Variants in CNBD1 observed in about 807,000 individuals in gnomAD.
CNBD1 encodes the protein cyclic nucleotide-binding domain-containing protein 1.
A neutral mutation model predicts 54.4 loss-of-function variants in CNBD1; 71 were observed. The ratio of observed to expected loss-of-function variants is 1.30; its 90% CI spans 1.08 to 1.59. The LOEUF is 1.59. Ranked by LOEUF, CNBD1 falls within the 40% of genes most tolerant of loss-of-function variation. The pLI is 0.00. For synonymous variants in CNBD1, 182 were observed against 170.7 expected (o/e 1.07, Z -0.51); for missense variants, 659 against 518.0 (o/e 1.27, Z -2.64).
At chr8:87,150,643 C>T (rs1478856066) in intron 4 of CNBD1, among the ~76,000 whole-genome samples, 1 of 152,098 alleles carries the variant, frequency 6.6e-6, no homozygotes, top group Non-Finnish European at 1.5e-5. Context: ...TCCTTTGAAA[C>T]AAAAGGCAGG....
At chr8:86,964,736 G>A (rs62526207) in intron 4 of CNBD1, among the ~76,000 whole-genome samples, 17,825 of 152,244 alleles carry the variant, frequency 0.12, 1,413 homozygotes, top group Non-Finnish European at 0.18. Flanking sequence ...ATAGGGAGGA[G>A]TGAAGGGAGC....
intron 5 of CNBD1, among the ~76,000 whole-genome samples, chr8:87,235,774 C>CT (rs1293239774): frequency 2.6e-5 from 4 of 152,140 alleles, no homozygotes; most frequent in Non-Finnish European, 1.5e-5. Context: ...TGCTGATAGA[C>CT]TTGCTAGATG....
intron 4 of CNBD1, among the ~76,000 whole-genome samples, chr8:87,050,031 AG>A (rs980885584): frequency 6.6e-6 from 1 of 152,178 alleles, no homozygotes; most frequent in Non-Finnish European, 1.5e-5. Context: ...GGGAAGACTA[AG>A]GGCCAGTGCT....
At position 87,163,560 on chromosome 8, in the gene CNBD1, AT is replaced by A. The variant is rs963669407; in HGVS notation, c.432-42426del. ...TTCCTAAGTATTTAAAATATTAAAT[AT>A]TTTTTTGTTGCTGTTGTAATTGACA... On this transcript the variant is annotated intron_variant, in intron 4 of 10. Coordinates refer to ENST00000518476, the MANE Select transcript of CNBD1 (RefSeq NM_173538.3). This position sits in a 1 kb window ranked among gnomAD's most constrained non-coding sequence, Gnocchi z 4.5. 4.6e-5 allele frequency among the ~76,000 whole-genome samples: 7 copies of A among 151,628 alleles called. No homozygotes were observed. The highest frequency in any genetic ancestry group is 1.9e-4 in the East Asian group (1 of 5,178).
At chr8:87,004,512 C>G (rs537718605) in intron 4 of CNBD1, among the ~76,000 whole-genome samples, 1 of 151,368 alleles carries the variant, frequency 6.6e-6, no homozygotes, top group African/African-American at 2.4e-5. Flanking sequence ...TTGTCCTAGT[C>G]AATTCTATTT....
chr8:86,933,265 T>C, intron 3 of CNBD1, among the ~76,000 whole-genome samples: 1 of 152,150 alleles, frequency 6.6e-6, no homozygotes, highest in East Asian at 1.9e-4. Context: ...CTGGTCATAG[T>C]AGCCAAGTTT....
chr8:86,899,685 C>T (rs1185926919), intron 2 of CNBD1, among the ~76,000 whole-genome samples: 2 of 152,084 alleles, frequency 1.3e-5, no homozygotes, highest in Admixed American at 1.3e-4. Flanking sequence ...CTGGCTTGCG[C>T]TTATGGCAGC....
At chr8:87,052,112 T>G (rs1810323200) in intron 4 of CNBD1, among the ~76,000 whole-genome samples, 1 of 152,034 alleles carries the variant, frequency 6.6e-6, no homozygotes, top group Non-Finnish European at 1.5e-5. Context: ...GATCCTGGAG[T>G]TTATAGGCCT....
chr8:87,148,743 G>A (rs1010005667), intron 4 of CNBD1, among the ~76,000 whole-genome samples: 6 of 152,092 alleles, frequency 3.9e-5, no homozygotes, highest in Non-Finnish European at 8.8e-5. Context: ...AATATGGTAG[G>A]AGCCTTAGTC....
chr8:86,870,767 CA>C (rs1808432782), intron 1 of CNBD1, among the ~76,000 whole-genome samples: 1 of 151,922 alleles, frequency 6.6e-6, no homozygotes, highest in African/African-American at 2.4e-5. Flanking sequence ...CGAAGAAAAA[CA>C]GGGAAGTGGG....
chr8:87,378,382 T>G (rs1586062995), intron 10 of CNBD1, among the ~76,000 whole-genome samples: 1 of 149,902 alleles, frequency 6.7e-6, no homozygotes, highest in African/African-American at 2.5e-5. Flanking sequence ...GGCTAGCCAG[T>G]TTTCCCAGCA....
intron 2 of CNBD1, among the ~76,000 whole-genome samples, chr8:87,404,073 T>C (rs563998659): frequency 3.3e-5 from 5 of 152,170 alleles, no homozygotes; most frequent in African/African-American, 1.2e-4. Context: ...AGCAGAGAAC[T>C]ATCTGATGAA....
At chr8:87,076,545 C>G (rs927162478) in intron 4 of CNBD1, among the ~76,000 whole-genome samples, 1 of 151,904 alleles carries the variant, frequency 6.6e-6, no homozygotes, top group South Asian at 2.1e-4. Context: ...TGGGTTCAAG[C>G]GATTCTCCTG....
chr8:87,079,507 T>C (rs372491154), intron 4 of CNBD1, among the ~76,000 whole-genome samples: 1 of 152,140 alleles, frequency 6.6e-6, no homozygotes, highest in Non-Finnish European at 1.5e-5. Context: ...TTAATATAGC[T>C]ATTCTAATAA....
At chr8:87,205,595 TAAG>T (rs1361922890) in intron 4 of CNBD1, among the ~76,000 whole-genome samples, 1 of 152,176 alleles carries the variant, frequency 6.6e-6, no homozygotes, top group African/African-American at 2.4e-5. Flanking sequence ...TTAAAAGAAT[TAAG>T]AATAAACAGT....
chr8:87,187,151 T>C (rs912526668), intron 4 of CNBD1, among the ~76,000 whole-genome samples: 3 of 152,068 alleles, frequency 2.0e-5, no homozygotes, highest in South Asian at 2.1e-4. Flanking sequence ...CATTTTTATA[T>C]TGAAAAATTA....
At chr8:86,907,875 G>A (rs1809042110) in intron 3 of CNBD1, among the ~76,000 whole-genome samples, 1 of 152,034 alleles carries the variant, frequency 6.6e-6, no homozygotes, top group Non-Finnish European at 1.5e-5. Flanking sequence ...AAACTGATGA[G>A]GAAACTTTCA....
intron 3 of CNBD1, among the ~76,000 whole-genome samples, chr8:86,918,883 A>G (rs1186623842): frequency 6.6e-6 from 1 of 151,642 alleles, no homozygotes; most frequent in Non-Finnish European, 1.5e-5. Context: ...TACCCATTAC[A>G]TAGTTTCTTT....
chr8:86,978,467 T>A (rs1480463120), intron 4 of CNBD1, among the ~76,000 whole-genome samples: 1 of 152,046 alleles, frequency 6.6e-6, no homozygotes, highest in Non-Finnish European at 1.5e-5. Context: ...GAAATTTGAT[T>A]TATAAAATAT....
Sources: gnomAD v4.1 joint callset for allele counts (sites outside exome capture counted in the v4.1 genomes callset) on GRCh38, gnomAD v4.1.1 for gene constraint, Gnocchi (gnomAD v3.1) non-coding constraint, MANE v1.5 for transcripts, NCBI Gene and HGNC (gene_info 2026-07-23, HGNC 2026-07-21) for gene names.